Variants in SATL1 observed in about 807,000 individuals in gnomAD.
SATL1 encodes the protein spermidine/spermine N1-acetyl transferase like 1.
A neutral mutation model predicts 51.8 loss-of-function variants in SATL1; 47 were observed. The observed-to-expected ratio is 0.91, with a 90% CI of 0.72 to 1.16. The LOEUF is 1.16. Ranked by LOEUF, SATL1 falls within the 50% of genes most tolerant of loss-of-function variation. SATL1 has a pLI of 0.00. For synonymous variants in SATL1, 176 were observed against 182.4 expected (o/e 0.97, Z 0.28); for missense variants, 520 against 526.4 (o/e 0.99, Z 0.12).
chrX:85,201,335 A>T (rs1927682433), intron 2 of SATL1, among the ~76,000 whole-genome samples: 1 of 111,558 alleles, frequency 9.0e-6, no homozygotes, highest in Non-Finnish European at 1.9e-5. Flanking sequence ...ATTAATAGAG[A>T]TTCTGGCTCT....
At chrX:85,174,391 C>T (rs1057260449) in intron 2 of SATL1, among the ~76,000 whole-genome samples, 9 of 107,970 alleles carry the variant, frequency 8.3e-5, no homozygotes, top group African/African-American at 3.1e-4. Context: ...GGCATAATCT[C>T]GGCTCACTGC....
chrX:85,230,767 G>GTTGA (rs1465655652), intron 1 of SATL1, among the ~76,000 whole-genome samples: 2 of 112,236 alleles, frequency 1.8e-5, no homozygotes, highest in African/African-American at 6.5e-5. Context: ...AGGCAAAAGA[G>GTTGA]TTGAATAGAC....
chrX:85,142,052 G>T (rs1926119897), intron 2 of SATL1, among the ~76,000 whole-genome samples: 1 of 103,055 alleles, frequency 9.7e-6, no homozygotes, highest in African/African-American at 3.5e-5. Flanking sequence ...ATAATATTAA[G>T]TACATACTTT....
intron 2 of SATL1, among the ~76,000 whole-genome samples, chrX:85,151,747 GA>G (rs1445457639): frequency 1.8e-5 from 2 of 111,478 alleles, no homozygotes; most frequent in Non-Finnish European, 3.8e-5. Context: ...ATGGTGCTGG[GA>G]AAACTGGCTA....
chrX:85,138,562 A>G (rs922359007), intron 2 of SATL1, among the ~76,000 whole-genome samples: 11 of 111,744 alleles, frequency 9.8e-5, no homozygotes, highest in Non-Finnish European at 1.9e-4. Context: ...CAATTTGTCA[A>G]TCACCATTTA....
intron 2 of SATL1, among the ~76,000 whole-genome samples, chrX:85,177,524 C>T (rs1349180149): frequency 9.0e-6 from 1 of 111,314 alleles, no homozygotes; most frequent in African/African-American, 3.3e-5. Flanking sequence ...AAACAATGGA[C>T]AAGTCTAGGT....
At chrX:85,171,812 T>C (rs73234610) in intron 2 of SATL1, among the ~76,000 whole-genome samples, 12,183 of 111,032 alleles carry the variant, frequency 0.11, 568 homozygotes, top group South Asian at 0.18. Flanking sequence ...CTCAAAAGAG[T>C]ATTGTATTAA....
chrX:85,202,875 GGGCA>G (rs1927714583), intron 2 of SATL1, among the ~76,000 whole-genome samples: 1 of 111,813 alleles, frequency 8.9e-6, no homozygotes, highest in African/African-American at 3.3e-5. Flanking sequence ...AGGGTGGCAA[GGGCA>G]GTTCCACTGT....
At chrX:85,193,642 G>T (rs1283455664) in intron 2 of SATL1, among the ~76,000 whole-genome samples, 1 of 111,584 alleles carries the variant, frequency 9.0e-6, no homozygotes, top group Admixed American at 9.6e-5. Flanking sequence ...GCATTCAATA[G>T]TTACCTTTTC....
intron 2 of SATL1, among the ~76,000 whole-genome samples, chrX:85,128,794 T>A (rs1925696491): frequency 2.7e-5 from 3 of 112,272 alleles, no homozygotes. Context: ...AACATTTAAG[T>A]CCTTAATCCA....
chrX:85,220,679 A>AAAAAG (rs1928156801), intron 2 of SATL1, among the ~76,000 whole-genome samples: 1 of 86,721 alleles, frequency 1.2e-5, no homozygotes, highest in Non-Finnish European at 2.1e-5. Context: ...AAAAAAAAAA[A>AAAAAG]AAAAAAAACT....
chrX:85,152,092 T>G (rs1405184547), intron 2 of SATL1, among the ~76,000 whole-genome samples: 6 of 110,724 alleles, frequency 5.4e-5, no homozygotes, highest in Non-Finnish European at 1.1e-4. Flanking sequence ...ATATCCAGAA[T>G]CTACAATGAA....
At position 85,129,331 on chromosome X, in the gene SATL1, G is replaced by C. The variant is rs150487574; in HGVS notation, c.-312-20051C>G. Among the ~76,000 whole-genome samples the C allele has an allele frequency of 7.4e-4, 83 of 111,521 alleles. No homozygotes were observed. In the East Asian group the frequency reaches 0.022, roughly 30 times the overall value. On this transcript the variant is annotated intron_variant, in intron 2 of 7. Coordinates refer to ENST00000644105, the MANE Select transcript of SATL1 (RefSeq NM_001367857.2). ...GTCCTCTTTTATTTTGTTGAGTAGT[G>C]GTTTGTAGTTCTCTTGAAGAGGTCC...
intron 2 of SATL1, among the ~76,000 whole-genome samples, chrX:85,183,007 C>CA (rs2147740846): frequency 9.0e-6 from 1 of 111,403 alleles, no homozygotes; most frequent in African/African-American, 3.2e-5. Context: ...GAATACTTTG[C>CA]AAAAATTTCT....
At chrX:85,099,873 A>T (rs919301683) in intron 4 of SATL1, among the ~76,000 whole-genome samples, 5 of 112,408 alleles carry the variant, frequency 4.4e-5, no homozygotes, top group Non-Finnish European at 7.5e-5. Flanking sequence ...ATTGTACTGG[A>T]AGTTATGGCC....
At chrX:85,155,204 T>C (rs1358572475) in intron 2 of SATL1, among the ~76,000 whole-genome samples, 1 of 111,645 alleles carries the variant, frequency 9.0e-6, no homozygotes, top group Non-Finnish European at 1.9e-5. Flanking sequence ...GAGAATTCCA[T>C]ATCACCATTT....
chrX:85,136,520 C>A (rs903780441), intron 2 of SATL1, among the ~76,000 whole-genome samples: 22 of 111,875 alleles, frequency 2.0e-4, no homozygotes, highest in African/African-American at 6.8e-4. Context: ...TCTAAGGGAG[C>A]AGAGAGTTTC....
At chrX:85,221,298 G>C (rs1928173379) in intron 2 of SATL1, among the ~76,000 whole-genome samples, 1 of 111,716 alleles carries the variant, frequency 9.0e-6, no homozygotes, top group African/African-American at 3.3e-5. Flanking sequence ...TTACTATGAT[G>C]TAAGCACACA....
intron 2 of SATL1, among the ~76,000 whole-genome samples, chrX:85,182,006 A>G (rs1927215867): frequency 9.0e-6 from 1 of 111,694 alleles, no homozygotes; most frequent in Non-Finnish European, 1.9e-5. Context: ...TGGAGTACAC[A>G]GTGATATTGT....
Sources: gnomAD v4.1 joint callset for allele counts (sites outside exome capture counted in the v4.1 genomes callset) on GRCh38, gnomAD v4.1.1 for gene constraint, MANE v1.5 for transcripts, NCBI Gene and HGNC (gene_info 2026-07-23, HGNC 2026-07-21) for gene names.